The following SPO11 variants were observed in gnomAD, a reference collection of about 807,000 sequenced individuals.
The protein encoded by SPO11 is meiotic recombination protein SPO11.
In SPO11, 49 loss-of-function variants were observed where a neutral mutation model predicts 51.6. The observed-to-expected ratio is 0.95, with a 90% CI of 0.75 to 1.20. The LOEUF (loss-of-function observed/expected upper bound fraction) is 1.20. SPO11 is among the 50% of genes most tolerant of loss of function. The pLI, the probability that SPO11 is intolerant of heterozygous loss-of-function variation, is 0.00. For missense variants in SPO11, 431 were observed against 473.4 expected (o/e 0.91, Z 0.83); for synonymous variants, 176 against 158.2 (o/e 1.11, Z -0.84).
chr20:57,333,377 A>G, intron 3 of SPO11, 101 bp downstream of exon 3: 2 of 784,558 alleles, frequency 2.5e-6, no homozygotes, highest in Non-Finnish European at 4.1e-6. Context: ...CCTGTTTTTA[A>G]TAGATCACTT....
At chr20:57,340,060 A>T (rs370661600) in intron 10 of SPO11, 42 bp from the exon 11 acceptor site, 7 of 1,340,468 alleles carry the variant, frequency 5.2e-6, no homozygotes, top group Middle Eastern at 1.8e-4. Context: ...CTAGTTTTCT[A>T]CAATTTAGCC....
intron 8 of SPO11, among the ~76,000 whole-genome samples, chr20:57,336,584 C>T (rs1260689334): frequency 6.6e-6 from 1 of 152,176 alleles, no homozygotes; most frequent in African/African-American, 2.4e-5. Flanking sequence ...AGACTCCATT[C>T]CGCCTCCTCT....
chr20:57,331,807 G>C, intron 1 of SPO11, 26 bp from the exon 2 acceptor site: 1 of 1,292,352 alleles, frequency 7.7e-7, no homozygotes, highest in Non-Finnish European at 1.1e-6. Context: ...GATTAAGATG[G>C]AATCATGCTC....
Position 57,333,216 on chromosome 20 carries a change from G to T in SPO11, c.274G>T (p.Val92Leu), listed in dbSNP as rs779973554. Residue 92 changes from valine (V) to leucine (L), a missense_variant, in exon 3 of 13, where the codon GTA becomes TTA. Around this residue, in one of 3 missense-constraint regions of SPO11, gnomAD observed 405 missense variants for 425.9 expected, o/e 0.95. Coordinates refer to ENST00000371263, the MANE Select transcript of SPO11 (RefSeq NM_012444.3). The part of the protein sequence containing the change: ...KFEDSVGLQM[V>L]SHCTTRKIKS... Reference sequence around the variant, plus strand: ...TGAAGATTCTGTGGGTCTTCAGATGGTATCCCATTGCACCACCAGAAAGAT... The same window carrying T: ...TGAAGATTCTGTGGGTCTTCAGATGTTATCCCATTGCACCACCAGAAAGAT... 13 of 1,606,620 alleles carry T rather than the reference G, an allele frequency of 8.1e-6. No homozygotes were observed. The highest frequency in any genetic ancestry group is 1.3e-5 in the African/African-American group (1 of 74,616).
At chr20:57,342,927 C>A in intron 12 of SPO11, 87 bp downstream of exon 12, 2 of 925,476 alleles carry the variant, frequency 2.2e-6, no homozygotes, top group Non-Finnish European at 3.4e-6. Flanking sequence ...TTGAAAATAT[C>A]CCTCTTGAAA....
At chr20:57,342,625 A>C (rs972321717) in intron 11 of SPO11, 104 bp from the exon 12 acceptor site, 5 of 666,962 alleles carry the variant, frequency 7.5e-6, no homozygotes, top group Non-Finnish European at 1.3e-5. Context: ...TAATTTTCTT[A>C]TTTCTGAGTT....
At position 57,333,701 on chromosome 20, in the gene SPO11, A is replaced by G. The variant is rs751532703; in HGVS notation, c.349A>G (p.Ile117Val). Reference sequence around the variant, plus strand: ...TTATTTTCCAGCTCTAATCCTTAAAATATTGTCCATGATTTATAAATTAGT... The same window carrying G: ...TTATTTTCCAGCTCTAATCCTTAAAGTATTGTCCATGATTTATAAATTAGT... ...SAQKFSLILK[I>V]LSMIYKLVQS... The change falls in exon 4 of 13, where the codon ATA (isoleucine) becomes GTA (valine). Residue 117 changes from isoleucine to valine, a missense_variant. Physicochemically the swap from Ile to Val is conservative, Grantham distance 29. Coordinates refer to ENST00000371263, the MANE Select transcript of SPO11 (RefSeq NM_012444.3). 1 of 1,504,926 alleles carries G rather than the reference A, an allele frequency of 6.6e-7. No individual in the cohort carries two copies. The highest frequency in any genetic ancestry group is 2.3e-5 in the East Asian group (1 of 43,864). The allele number at this position is 1,504,926 out of a possible 1,614,324, so 93.2% of individuals were successfully genotyped here.
At chr20:57,340,388 G>A (rs1218896020) in intron 11 of SPO11, among the ~76,000 whole-genome samples, 1 of 152,162 alleles carries the variant, frequency 6.6e-6, no homozygotes, top group Admixed American at 6.5e-5. Flanking sequence ...TGGTTAATGT[G>A]TTACACTTTC....
At position 57,340,503 on chromosome 20, in the gene SPO11, C is replaced by T. The variant is rs189249987; in HGVS notation, c.959+325C>T. The stretch of plus-strand genomic sequence containing the variant: ...TAGGCCGGGCACATGGTGGCTGACG[C>T]CTGTAATCCCAGCACTTTGGGAGGC... On this transcript the variant is annotated intron_variant, in intron 11 of 12. Coordinates refer to ENST00000371263, the MANE Select transcript of SPO11 (RefSeq NM_012444.3). Among the ~76,000 whole-genome samples, 4 of 152,330 alleles carry T rather than the reference C, an allele frequency of 2.6e-5. No individual in the cohort carries two copies. In the East Asian group the frequency reaches 7.7e-4, roughly 29 times the overall value.
intron 11 of SPO11, 58 bp from the exon 12 acceptor site, chr20:57,342,670 AG>A: frequency 9.7e-7 from 1 of 1,032,764 alleles, no homozygotes; most frequent in East Asian, 2.5e-5. Flanking sequence ...GGCAAAATAC[AG>A]GACATTCAAG....
At chr20:57,337,503 C>G (rs978662320) in intron 8 of SPO11, among the ~76,000 whole-genome samples, 3 of 152,226 alleles carry the variant, frequency 2.0e-5, no homozygotes, top group Admixed American at 2.0e-4. Context: ...AGCCCCGCAA[C>G]TGCTGCAGAT....
In SPO11 at chr20:57,333,218, A is replaced by G; in HGVS notation, c.276A>G (p.Val92=). 7 of 1,607,538 alleles carry G rather than the reference A, an allele frequency of 4.4e-6. No individual in the cohort carries two copies. The highest frequency in any genetic ancestry group is 5.9e-6 in the Non-Finnish European group (7 of 1,178,320). The change falls in exon 3 of 13, where the codon GTA becomes GTG. Residue 92 remains valine (V), a synonymous_variant. Transcript: ENST00000371263. ...AAGATTCTGTGGGTCTTCAGATGGTATCCCATTGCACCACCAGAAAGATCA... is the reference window on the plus strand; with the variant it reads ...AAGATTCTGTGGGTCTTCAGATGGTGTCCCATTGCACCACCAGAAAGATCA... The part of the protein sequence containing the change: ...KFEDSVGLQM[V]SHCTTRKIKS...
intron 7 of SPO11, 36 bp downstream of exon 7, chr20:57,335,491 G>T: frequency 1.3e-6 from 2 of 1,586,898 alleles, no homozygotes; most frequent in South Asian, 2.3e-5. Flanking sequence ...TAAACTTTTG[G>T]AATGTTCATT....
At chr20:57,338,197 T>G in intron 8 of SPO11, 79 bp from the exon 9 acceptor site, 1 of 1,097,992 alleles carries the variant, frequency 9.1e-7, no homozygotes, top group Non-Finnish European at 1.3e-6. Context: ...AGCCTAACTT[T>G]TAAATTATTA....
intron 8 of SPO11, chr20:57,337,667 C>A (rs1400389762): frequency 2.1e-6 from 2 of 972,696 alleles, no homozygotes; most frequent in Non-Finnish European, 2.8e-6. Flanking sequence ...TTCCTTAGGA[C>A]CATTTCCTAG....
intron 7 of SPO11, 78 bp from the exon 8 acceptor site, chr20:57,335,720 A>G: frequency 1.1e-6 from 1 of 881,440 alleles, no homozygotes; most frequent in Non-Finnish European, 1.8e-6. Flanking sequence ...CTTTTGAATT[A>G]TCTATATGGC....
rs2066609742 is a variant in SPO11 at position 57,343,588 on chromosome 20, CGTTAAT to C, written c.*129_*134del. ...GTAAAAGTGAAATAAAATAACTTTC[CGTTAAT>C]TATATATTTTTGTCAAAACAAATGC... On this transcript the variant is annotated 3_prime_UTR_variant, in exon 13 of 13. Coordinates refer to ENST00000371263, the MANE Select transcript of SPO11 (RefSeq NM_012444.3). 3 of 1,096,430 alleles carry C rather than the reference CGTTAAT, an allele frequency of 2.7e-6. No homozygotes were observed. Among genetic ancestry groups the C allele is most frequent in the Non-Finnish European group, 3.7e-6 (3 of 805,764 alleles). The allele number at this position is 1,096,430 out of a possible 1,614,324, so 67.9% of individuals were successfully genotyped here. A position where few individuals can be genotyped will look rare whatever the true frequency, so the allele number is the denominator to read the frequency against.
At chr20:57,335,364 C>G (rs2066498892) in intron 6 of SPO11, 55 bp from the exon 7 acceptor site, 1 of 1,457,978 alleles carries the variant, frequency 6.9e-7, no homozygotes, top group African/African-American at 1.4e-5. Flanking sequence ...TTGTGATAAA[C>G]TAAAAATGTG....
At chr20:57,337,823 G>A (rs140053442) in intron 8 of SPO11, 1 of 1,231,156 alleles carries the variant, frequency 8.1e-7, no homozygotes, top group Non-Finnish European at 1.1e-6. Context: ...TATGAACCAG[G>A]GTTGCTGTGG....
Sources: gnomAD v4.1 joint callset for allele counts (sites outside exome capture counted in the v4.1 genomes callset) on GRCh38, gnomAD v4.1.1 for gene constraint, gnomAD v4.1.1 regional missense constraint, MANE v1.5 for transcripts, NCBI Gene and HGNC (gene_info 2026-07-23, HGNC 2026-07-21) for gene names.